The following MPP2 variants were observed in gnomAD, a reference collection of about 807,000 sequenced individuals.
MPP2 encodes MAGUK p55 scaffold protein 2.
Under a neutral mutation model 58.5 loss-of-function variants are expected in MPP2, and 42 were observed. The ratio of observed to expected loss-of-function variants is 0.72; its 90% CI spans 0.56 to 0.93. MPP2 has a LOEUF of 0.93. Among genes scored for constraint, MPP2 ranks in the 40% least tolerant of loss-of-function variants. The pLI is 0.00. For missense variants in MPP2, 632 were observed against 760.4 expected (o/e 0.83, Z 1.99); for synonymous variants, 300 against 307.8 (o/e 0.97, Z 0.26).
At chr17:43,908,030 G>T, upstream of MPP2, 1 of 953,922 alleles carries the variant, frequency 1.0e-6, no homozygotes, top group Non-Finnish European at 1.2e-6. Context: ...GGACTCAGAG[G>T]GTGGATATCC....
intron 3 of MPP2, among the ~76,000 whole-genome samples, chr17:43,891,306 G>A (rs112099839): frequency 0.022 from 3,301 of 152,204 alleles, 85 homozygotes; most frequent in African/African-American, 0.065. Context: ...GATCACCTGA[G>A]GTCAGGAGTT....
In MPP2 at chr17:43,879,281, C is replaced by T; in HGVS notation, c.1476G>A (p.Gln492=). 1 of 1,611,550 alleles carries T rather than the reference C, an allele frequency of 6.2e-7. No homozygotes were observed. Among genetic ancestry groups the T allele is most frequent in the Non-Finnish European group, 8.5e-7 (1 of 1,177,952 alleles). Residue 492 remains glutamine, a synonymous_variant, in exon 12 of 13, where the codon CAG becomes CAA. Transcript: ENST00000269095. This position sits in a 1 kb window ranked among gnomAD's most constrained non-coding sequence, Gnocchi z 4.1. ...AALESGISTK[Q]LTEADLRRTV... is the part of the protein sequence containing the mutation. ...CACACCTCAGAGCCCTCACCGTGAGCTGCTTGGTGGATATTCCACTCTCCA... is the reference window on the plus strand; with the variant it reads ...CACACCTCAGAGCCCTCACCGTGAGTTGCTTGGTGGATATTCCACTCTCCA...
Position 43,883,322 on chromosome 17 carries a change from C to A in MPP2, c.184G>T (p.Ala62Ser). 6.2e-7 allele frequency: 1 copy of A among 1,612,708 alleles called. No individual in the cohort carries two copies. Among genetic ancestry groups the A allele is most frequent in the Non-Finnish European group, 8.5e-7 (1 of 1,179,944 alleles). ...HERLEETKLE[A>S]VRDNNLELVQ... ...AGCTCCAGGTTGTTGTCTCTCACGGCCTCCAGCTTCGTCTCCTCCAGCCTC... is the reference window on the plus strand; with the variant it reads ...AGCTCCAGGTTGTTGTCTCTCACGGACTCCAGCTTCGTCTCCTCCAGCCTC... Residue 62 changes from alanine to serine, a missense_variant, in exon 4 of 13, where the codon GCC (alanine) becomes TCC (serine). By Grantham distance (99) the Ala-to-Ser change is moderately conservative (BLOSUM62 1). Transcript: ENST00000269095.
At position 43,877,361 on chromosome 17, in the gene MPP2, CG is replaced by C. The variant is rs2046891011; in HGVS notation, c.*445del. The C allele has an allele frequency of 6.4e-6, 1 of 156,172 alleles. No individual in the cohort carries two copies. Among genetic ancestry groups the C allele is most frequent in the Admixed American group, 6.3e-5 (1 of 15,996 alleles). The allele number at this position is 156,172 out of a possible 1,614,324, so 9.7% of individuals were successfully genotyped here. A position where few individuals can be genotyped will look rare whatever the true frequency, so the allele number is the denominator to read the frequency against. The stretch of plus-strand genomic sequence containing the variant: ...GGAAACAGCCCAAGGCCTGTTCCTC[CG>C]ACACAGGGGTGAGAGGTGGGAGGAG... On this transcript the variant is annotated 3_prime_UTR_variant, in exon 13 of 13. Transcript: ENST00000269095.
At chr17:43,905,998 G>A in intron 1 of MPP2, 2 of 675,388 alleles carry the variant, frequency 3.0e-6, no homozygotes, top group Non-Finnish European at 3.6e-6. Context: ...CACTGTGCTG[G>A]CCCGTGCCCC....
rs769118708 is a variant in MPP2, at chr17:43,883,279, C to T, written c.227G>A (p.Arg76Gln). The part of the protein sequence containing the change: ...NNLELVQEIL[R>Q]DLAQLAEQSS... ...CTGCTCAGCCAGCTGCGCCAGGTCC[C>T]GCAGGATCTCCTGCACCAGCTCCAG... Residue 76 changes from arginine (R) to glutamine (Q), a missense_variant, in exon 4 of 13, where the codon CGG becomes CAG. Physicochemically the swap from Arg to Gln is conservative, Grantham distance 43 (BLOSUM62 1). Transcript: ENST00000269095. 39 of 1,612,660 alleles carry T rather than the reference C, an allele frequency of 2.4e-5. 1 individual carries two copies. In the South Asian group the frequency reaches 3.6e-4, roughly 15 times the overall value.
chr17:43,895,449 G>C (rs891449532), intron 3 of MPP2, among the ~76,000 whole-genome samples: 4 of 152,168 alleles, frequency 2.6e-5, no homozygotes, highest in African/African-American at 9.7e-5. Flanking sequence ...GAAATGGCAA[G>C]AGTCAAAACA....
At position 43,877,386 on chromosome 17, in the gene MPP2, A is replaced by T. The variant is rs926061770; in HGVS notation, c.*421T>A. On this transcript the variant is annotated 3_prime_UTR_variant, in exon 13 of 13. Coordinates refer to ENST00000269095, the MANE Select transcript of MPP2 (RefSeq NM_005374.5). ...CGACACAGGGGTGAGAGGTGGGAGG[A>T]GTCCAGGAATGGGGTGGGTGTGGCC... 8 of 159,144 alleles carry T rather than the reference A, an allele frequency of 5.0e-5. No individual in the cohort carries two copies. The highest frequency in any genetic ancestry group is 1.9e-4 in the African/African-American group (8 of 41,816). 9.9% of individuals were successfully genotyped at this position (159,144 alleles called of 1,614,324 possible).
upstream of MPP2, among the ~76,000 whole-genome samples, chr17:43,908,519 G>A (rs1424684098): frequency 6.6e-6 from 1 of 152,220 alleles, no homozygotes; most frequent in Non-Finnish European, 1.5e-5. Context: ...AGCATCGGTT[G>A]AGCCTAGGAG....
At chr17:43,906,267 G>T (rs1037342053) in intron 1 of MPP2, 4 of 377,690 alleles carry the variant, frequency 1.1e-5, no homozygotes, top group Middle Eastern at 1.3e-3. Flanking sequence ...CAGAGCATCG[G>T]CTGGCTTTGC....
In MPP2 at chr17:43,880,778, G is replaced by A; in HGVS notation, c.1063C>T (p.Leu355=). 1 of 1,613,966 alleles carries A rather than the reference G, an allele frequency of 6.2e-7. No individual in the cohort carries two copies. The highest frequency in any genetic ancestry group is 1.1e-5 in the South Asian group (1 of 91,044). The change falls in exon 10 of 13, where the codon CTG becomes TTG. Residue 355 remains leucine (L), a synonymous_variant. Transcript: ENST00000269095. The surrounding 1 kb of genome is among the most constrained non-coding windows in gnomAD (Gnocchi z 5.2). ...MPPFRRKTLV[L]IGAQGVGRRS... ...CGTCCCACGCCCTGAGCCCCAATCA[G>A]TACCAGGGTTTTCCGGCGGAACGGG...
chr17:43,900,552 T>C (rs1359058478), intron 2 of MPP2: 5 of 1,531,288 alleles, frequency 3.3e-6, no homozygotes, highest in Non-Finnish European at 3.5e-6. Flanking sequence ...CTGCCTGCCA[T>C]GGCGGCCCCC....
chr17:43,889,391 CTCGCTCTA>C (rs2047504530), intron 3 of MPP2, among the ~76,000 whole-genome samples: 1 of 142,274 alleles, frequency 7.0e-6, no homozygotes, highest in African/African-American at 2.7e-5. Context: ...GAGACAGAGT[CTCGCTCTA>C]TCGCCCAGCC....
At chr17:43,908,660 G>A (rs2048371804), upstream of MPP2, among the ~76,000 whole-genome samples, 1 of 152,236 alleles carries the variant, frequency 6.6e-6, no homozygotes, top group African/African-American at 2.4e-5. Flanking sequence ...AGTGAGCCGA[G>A]ATTGCAACAC....
rs1250096393 is a variant in MPP2, at chr17:43,877,557, A to G, written c.*250T>C. 2 of 514,582 alleles carry G rather than the reference A, an allele frequency of 3.9e-6. No homozygotes were observed. Among genetic ancestry groups the G allele is most frequent in the African/African-American group, 3.8e-5 (2 of 52,624 alleles). The allele number at this position is 514,582 out of a possible 1,614,324, so 31.9% of individuals were successfully genotyped here. On this transcript the variant is annotated 3_prime_UTR_variant, in exon 13 of 13. Transcript: ENST00000269095. ...CATTCCTGGGCATAGCTTGGCCCTC[A>G]GAGATATCTGGTGACCAATGGGCAT...
chr17:43,888,082 A>G (rs2047447981), intron 3 of MPP2, among the ~76,000 whole-genome samples: 1 of 152,188 alleles, frequency 6.6e-6, no homozygotes. Context: ...TTGTTTAGCC[A>G]TGAGATGGTG....
chr17:43,900,457 C>A, intron 2 of MPP2: 1 of 1,548,756 alleles, frequency 6.5e-7, no homozygotes, highest in South Asian at 1.2e-5. Flanking sequence ...CCCATCTGGC[C>A]CGCCCTTCCC....
At chr17:43,904,341 T>A in intron 2 of MPP2, 89 bp downstream of exon 2, 2 of 1,277,672 alleles carry the variant, frequency 1.6e-6, no homozygotes, top group Non-Finnish European at 1.1e-6. Context: ...TTGGTTCTTA[T>A]CTGGAGCTGT....
chr17:43,906,558 G>A (rs1241130884), intron 1 of MPP2, among the ~76,000 whole-genome samples: 1 of 152,200 alleles, frequency 6.6e-6, no homozygotes, highest in Admixed American at 6.5e-5. Flanking sequence ...CACATACAAA[G>A]AGGTGCGGAG....
Sources: gnomAD v4.1 joint callset for allele counts (sites outside exome capture counted in the v4.1 genomes callset) on GRCh38, gnomAD v4.1.1 for gene constraint, Gnocchi (gnomAD v3.1) non-coding constraint, MANE v1.5 for transcripts, NCBI Gene and HGNC (gene_info 2026-07-23, HGNC 2026-07-21) for gene names.